Variants in DCLK1 observed in about 807,000 individuals in gnomAD.
DCLK1 encodes the protein serine/threonine-protein kinase DCLK1.
DCLK1 carries 16 observed loss-of-function variants against 86.2 expected under a neutral mutation model. The ratio of observed to expected loss-of-function variants is 0.19; its 90% CI spans 0.13 to 0.28. The LOEUF is 0.28. Ranked by LOEUF, DCLK1 falls within the 10% of genes least tolerant of loss-of-function variation. DCLK1 has a pLI of 1.00. For synonymous variants in DCLK1, 369 were observed against 370.5 expected (o/e 1.00, Z 0.05); for missense variants, 590 against 940.2 (o/e 0.63, Z 4.87).
intron 1 of DCLK1, among the ~76,000 whole-genome samples, chr13:36,129,733 G>T (rs1273426690): frequency 6.6e-6 from 1 of 152,184 alleles, no homozygotes; most frequent in African/African-American, 2.4e-5. Context: ...CATGTGCAGT[G>T]GCACCAGGAT....
At chr13:35,794,449 C>T (rs1426610531) in intron 15 of DCLK1, among the ~76,000 whole-genome samples, 1 of 152,174 alleles carries the variant, frequency 6.6e-6, no homozygotes, top group Non-Finnish European at 1.5e-5. Context: ...CAGGTAATTT[C>T]TTGGTTCCAC....
intron 10 of DCLK1, 130 bp downstream of exon 10, chr13:35,827,504 TC>T: frequency 8.9e-7 from 1 of 1,119,932 alleles, no homozygotes; most frequent in South Asian, 1.5e-5. Context: ...CTGTGAACAT[TC>T]CTAATCACTG....
At chr13:35,959,322 G>A (rs1878320834) in intron 3 of DCLK1, among the ~76,000 whole-genome samples, 1 of 152,096 alleles carries the variant, frequency 6.6e-6, no homozygotes, top group African/African-American at 2.4e-5. Context: ...ACAGAGACCT[G>A]GCAGGTAACA....
intron 4 of DCLK1, among the ~76,000 whole-genome samples, chr13:35,914,743 A>G (rs1350612063): frequency 6.6e-6 from 1 of 151,938 alleles, no homozygotes; most frequent in Non-Finnish European, 1.5e-5. Context: ...AACTAACCTA[A>G]TATTTTCTGA....
In DCLK1 at chr13:35,808,138, T is replaced by C. The variant is rs1593611114; in HGVS notation, c.1863+86A>G. On this transcript the variant is annotated intron_variant, in intron 14 of 16. Transcript: ENST00000360631. ...TACAGAAATCATACTTATGATGTCA[T>C]TAGTTTCTTTGCACACAATGATTTG... 6 of 1,251,468 alleles carry C rather than the reference T, an allele frequency of 4.8e-6. No individual in the cohort carries two copies. In the South Asian group the frequency reaches 6.1e-5, roughly 13 times the overall value. The allele number at this position is 1,251,468 out of a possible 1,614,324, so 77.5% of individuals were successfully genotyped here.
At chr13:36,020,741 A>C (rs935110006) in intron 3 of DCLK1, among the ~76,000 whole-genome samples, 10 of 152,160 alleles carry the variant, frequency 6.6e-5, no homozygotes, top group African/African-American at 2.2e-4. Flanking sequence ...GAAAGAAAAA[A>C]AAAACTATCA....
rs374107174 is a variant in DCLK1, at chr13:35,850,711, T to C, written c.1035+3788A>G. On this transcript the variant is annotated intron_variant, in intron 6 of 16. Transcript: ENST00000360631. ...ATCACAAACCATATACATTGCTCCA[T>C]TGTTTCTTTTACACTGAGTCTCCTA... is the stretch of plus-strand genomic sequence containing the variant. 323 of 1,598,490 alleles carry C rather than the reference T, an allele frequency of 2.0e-4. No homozygotes were observed. The African/African-American group carries it at 3.9e-3, about 19-fold the overall frequency.
chr13:35,800,739 A>G (rs1407192558), intron 15 of DCLK1, among the ~76,000 whole-genome samples: 1 of 151,816 alleles, frequency 6.6e-6, no homozygotes, highest in Non-Finnish European at 1.5e-5. Context: ...GTTTTTTGAG[A>G]CAGAGTCTCC....
At chr13:35,902,260 A>C (rs901587830) in intron 4 of DCLK1, among the ~76,000 whole-genome samples, 3 of 152,208 alleles carry the variant, frequency 2.0e-5, no homozygotes, top group African/African-American at 7.2e-5. Flanking sequence ...CCTTAATTCA[A>C]AATCCAAGGC....
chr13:35,918,272 G>A (rs1364880495), intron 4 of DCLK1, among the ~76,000 whole-genome samples: 2 of 152,252 alleles, frequency 1.3e-5, no homozygotes, highest in East Asian at 3.9e-4. Context: ...ATCAAAGTTT[G>A]TAATAAAAGG....
At chr13:35,961,689 T>C (rs1468694832) in intron 3 of DCLK1, among the ~76,000 whole-genome samples, 1 of 152,188 alleles carries the variant, frequency 6.6e-6, no homozygotes, top group Non-Finnish European at 1.5e-5. Flanking sequence ...CAATCATAAC[T>C]TCCTTGATGC....
chr13:36,029,165 A>G (rs527682999), intron 3 of DCLK1, among the ~76,000 whole-genome samples: 1 of 152,138 alleles, frequency 6.6e-6, no homozygotes, highest in Non-Finnish European at 1.5e-5. Flanking sequence ...TGAGGTCTGG[A>G]TCGGGACTCT....
At chr13:35,849,280 A>G (rs1870434039) in intron 6 of DCLK1, 2 of 985,376 alleles carry the variant, frequency 2.0e-6, no homozygotes, top group Non-Finnish European at 2.4e-6. Flanking sequence ...TAAATCAATA[A>G]CATTTAAAAC....
intron 3 of DCLK1, among the ~76,000 whole-genome samples, chr13:35,948,213 T>C (rs1412104211): frequency 6.6e-6 from 1 of 152,266 alleles, no homozygotes; most frequent in East Asian, 1.9e-4. Flanking sequence ...CATCTTGCTC[T>C]CTGTCTTTGG....
chr13:35,988,065 C>CTTA (rs917529680), intron 3 of DCLK1, among the ~76,000 whole-genome samples: 17 of 152,096 alleles, frequency 1.1e-4, no homozygotes, highest in African/African-American at 4.1e-4. Context: ...TTTCTTGTTC[C>CTTA]TTATTTCCCT....
intron 3 of DCLK1, among the ~76,000 whole-genome samples, chr13:36,078,192 G>T (rs754140420): frequency 6.4e-4 from 98 of 152,260 alleles, no homozygotes; most frequent in Non-Finnish European, 9.1e-4. Context: ...CAAGAAGAGG[G>T]TCCTGAATAA....
chr13:36,032,217 T>C lies in DCLK1; in HGVS notation c.723+79652A>G, dbSNP rs528039302. Among the ~76,000 whole-genome samples, 39 of 151,972 alleles carry C rather than the reference T, an allele frequency of 2.6e-4. No individual in the cohort carries two copies. The South Asian group carries it at 5.8e-3, about 23-fold the overall frequency. On this transcript the variant is annotated intron_variant, in intron 3 of 16. Coordinates refer to ENST00000360631, the MANE Select transcript of DCLK1 (RefSeq NM_001330071.2). ...AGTGCAATGGCATGATCTTGGCTCA[T>C]TGCAACCTCTGCCTCCCGGGTTCAA...
chr13:35,826,405 C>T (rs192195770), intron 10 of DCLK1, among the ~76,000 whole-genome samples: 2 of 151,218 alleles, frequency 1.3e-5, no homozygotes, highest in East Asian at 4.0e-4. Context: ...TGCCTGTAAT[C>T]CCAGCTACTA....
At chr13:36,096,230 G>A (rs2138149367) in intron 3 of DCLK1, among the ~76,000 whole-genome samples, 1 of 152,294 alleles carries the variant, frequency 6.6e-6, no homozygotes, top group African/African-American at 2.4e-5. Flanking sequence ...ATAAGCCCAA[G>A]GCCTTTGAAT....
Sources: allele counts gnomAD v4.1 joint callset (sites outside exome capture counted in the v4.1 genomes callset), GRCh38; gene constraint gnomAD v4.1.1; transcripts MANE v1.5; gene names NCBI Gene and HGNC (gene_info 2026-07-23, HGNC 2026-07-21).